The following AFG2B variants were observed in gnomAD, a reference collection of about 807,000 sequenced individuals.
AFG2B encodes the protein AAA ATPase AFG2B, also known as ATPase family gene 2 protein homolog B.
chr15:45,409,485 A>G, the AFG2B span, among the ~76,000 whole-genome samples: 3 of 152,214 alleles, frequency 2.0e-5, no homozygotes, highest in East Asian at 5.8e-4. Flanking sequence ...TTAGAGGACA[A>G]TTTGGTAATA....
the AFG2B span, chr15:45,407,273 CTACCTCTCCCTG>C: frequency 8.6e-7 from 1 of 1,163,090 alleles, no homozygotes; most frequent in African/African-American, 1.6e-5. Context: ...GGGGCTGCTG[CTACCTCTCCCTG>C]TACCAGGGCA....
the AFG2B span, among the ~76,000 whole-genome samples, chr15:45,418,950 C>T: frequency 4.6e-5 from 7 of 152,224 alleles, no homozygotes; most frequent in East Asian, 1.4e-3. Flanking sequence ...CTAGGAAAGA[C>T]ACCAGCCCAG....
the AFG2B span, chr15:45,403,410 G>T: frequency 6.2e-7 from 1 of 1,609,880 alleles, no homozygotes; most frequent in Non-Finnish European, 8.5e-7. Context: ...AGGTGTTGAC[G>T]CTGCTGGACG....
the AFG2B span, chr15:45,402,586 G>C: frequency 6.4e-7 from 1 of 1,571,322 alleles, no homozygotes; most frequent in South Asian, 1.1e-5. Context: ...CTCGCTACCC[G>C]ACGGCGGCTC....
At chr15:45,416,203 G>A in the AFG2B span, among the ~76,000 whole-genome samples, 1 of 152,178 alleles carries the variant, frequency 6.6e-6, no homozygotes, top group Non-Finnish European at 1.5e-5. Flanking sequence ...AGGCAGAAGG[G>A]TTGCTTGAGG....
the AFG2B span, among the ~76,000 whole-genome samples, chr15:45,414,187 G>A: frequency 1.3e-5 from 2 of 152,330 alleles, no homozygotes; most frequent in African/African-American, 2.4e-5. Flanking sequence ...ATTGACACCT[G>A]CGCTGAGACC....
chr15:45,411,205 A>G, the AFG2B span, among the ~76,000 whole-genome samples: 41 of 152,210 alleles, frequency 2.7e-4, no homozygotes, highest in Non-Finnish European at 4.7e-4. Context: ...GTCCGGGGGG[A>G]AAAAAGTGTA....
At chr15:45,414,893 C>T in the AFG2B span, 8 of 918,796 alleles carry the variant, frequency 8.7e-6, no homozygotes, top group Admixed American at 2.9e-5. Flanking sequence ...AAAATTTATA[C>T]GTTTATTGAA....
chr15:45,407,209 C>T, the AFG2B span: 11 of 1,239,110 alleles, frequency 8.9e-6, no homozygotes, highest in Non-Finnish European at 1.1e-5. Context: ...CATGAAGGGA[C>T]AGACAACTGG....
At chr15:45,417,049 G>A in the AFG2B span, 3 of 432,800 alleles carry the variant, frequency 6.9e-6, no homozygotes, top group Non-Finnish European at 1.2e-5. Context: ...GTTTCTCTTA[G>A]CTACTCCCTT....
chr15:45,415,875 G>C, the AFG2B span: 3 of 1,169,008 alleles, frequency 2.6e-6, no homozygotes, highest in Admixed American at 4.9e-5. Context: ...ATATGCTATA[G>C]CTTTACCTAT....
the AFG2B span, chr15:45,403,468 C>A: frequency 6.2e-7 from 1 of 1,608,478 alleles, no homozygotes; most frequent in Non-Finnish European, 8.5e-7. Flanking sequence ...CACTAACCGG[C>A]CGGACGCTCT....
chr15:45,408,927 A>G, the AFG2B span, among the ~76,000 whole-genome samples: 4 of 152,150 alleles, frequency 2.6e-5, no homozygotes, highest in Non-Finnish European at 5.9e-5. Context: ...ATAGCATCCA[A>G]TTCTTGCTCA....
At chr15:45,410,322 A>T in the AFG2B span, 6 of 1,588,154 alleles carry the variant, frequency 3.8e-6, no homozygotes, top group East Asian at 2.2e-5. Flanking sequence ...ATAAAAAAAG[A>T]CCAACCTAAT....
chr15:45,415,858 A>G, the AFG2B span: 1 of 1,323,236 alleles, frequency 7.6e-7, no homozygotes, highest in African/African-American at 1.5e-5. Flanking sequence ...CATTAAATAT[A>G]ATGCATATAT....
At chr15:45,404,466 A>C in the AFG2B span, among the ~76,000 whole-genome samples, 1 of 142,622 alleles carries the variant, frequency 7.0e-6, no homozygotes, top group Non-Finnish European at 1.5e-5. Flanking sequence ...TACTAGTTCC[A>C]AAGTGGTTCA....
chr15:45,415,794 C>G, the AFG2B span: 2 of 1,608,886 alleles, frequency 1.2e-6, no homozygotes, highest in Non-Finnish European at 1.7e-6. Context: ...ATACAAGGAG[C>G]TGAAAAAATG....
At chr15:45,403,046 C>T in the AFG2B span, 10 of 1,557,578 alleles carry the variant, frequency 6.4e-6, no homozygotes, top group South Asian at 5.8e-5. Flanking sequence ...GGAGGTCTTT[C>T]GGAGGCGGCC....
chr15:45,405,460 ACT>A, the AFG2B span: 1 of 1,614,040 alleles, frequency 6.2e-7, no homozygotes, highest in Non-Finnish European at 8.5e-7. Flanking sequence ...ACCTGACAGC[ACT>A]CTGTAGGGAG....
Sources: gnomAD v4.1 joint callset for allele counts (sites outside exome capture counted in the v4.1 genomes callset) on GRCh38, gnomAD v4.1.1 for gene constraint, MANE v1.5 for transcripts, NCBI Gene and HGNC (gene_info 2026-07-23, HGNC 2026-07-21) for gene names.